GNB1L: variants seen among roughly 807,000 people sequenced by gnomAD.
GNB1L encodes the protein G protein subunit beta 1 like.
GNB1L carries 20 observed loss-of-function variants against 29.1 expected under a neutral mutation model. That is an observed-to-expected ratio of 0.69 (90% CI 0.48 to 1.00). The LOEUF (loss-of-function observed/expected upper bound fraction) is 1.00, where lower values mean the gene tolerates loss of function less well. GNB1L is among the 50% of genes least tolerant of loss of function. The pLI is 0.00. For synonymous variants in GNB1L, 193 were observed against 206.5 expected, an observed-to-expected ratio of 0.93 and a Z score of 0.56; for missense variants, 421 against 464.9, an observed-to-expected ratio of 0.91 and a Z score of 0.87.
At chr22:19,846,006 G>GGCTGCAGCCAGACTGTGAGTT (rs1376175323) in intron 2 of GNB1L, 20 of 152,364 alleles carry the variant, frequency 1.3e-4, no homozygotes, top group Admixed American at 4.6e-4. Context: ...GCTCACGGGT[G>GGCTGCAGCCAGACTGTGAGTT]GCTGCAGCCA....
In GNB1L at chr22:19,806,670, G is replaced by A. The variant is rs745765209; in HGVS notation, c.505C>T (p.Arg169Trp). 8.1e-6 allele frequency: 13 copies of A among 1,609,894 alleles called. No individual in the cohort carries two copies. The highest frequency in any genetic ancestry group is 1.7e-4 in the Middle Eastern group (1 of 6,026). The change falls in exon 6 of 8, where the codon CGG (arginine) becomes TGG (tryptophan). Residue 169 changes from arginine to tryptophan, a missense_variant. By Grantham distance (101) the Arg-to-Trp change is moderately radical. Coordinates refer to ENST00000329517, the MANE Select transcript of GNB1L (RefSeq NM_053004.3). ...ACGCGGGGCCTTACCTGCCACAGCC[G>A]CAGGCACATGGGCATGCCCAGCTTG... ...DAKLGMPMCL[R>W]LWQADCSSRP...
rs149598482 is a variant in GNB1L at position 19,803,564 on chromosome 22, C to T, written c.517-1348G>A. ...AGTTCCATGTTGGCACCTTTCAGAT[C>T]ACCTGCTGGGAAATGAGGCGTGCAG... is the stretch of plus-strand genomic sequence containing the variant. On this transcript the variant is annotated intron_variant, in intron 6 of 7. Coordinates refer to ENST00000329517, the MANE Select transcript of GNB1L (RefSeq NM_053004.3). Among the ~76,000 whole-genome samples, 49 of 152,320 alleles carry T rather than the reference C, an allele frequency of 3.2e-4. No homozygotes were observed. The South Asian group carries it at 6.0e-3, about 19-fold the overall frequency.
At chr22:19,789,018 C>T (rs1394236081) in intron 7 of GNB1L, 58 bp from the exon 8 acceptor site, 1 of 1,524,790 alleles carries the variant, frequency 6.6e-7, no homozygotes, top group East Asian at 2.3e-5. Flanking sequence ...CAGTGCTGCC[C>T]CTGGTGCCCC....
intron 2 of GNB1L, among the ~76,000 whole-genome samples, chr22:19,842,523 T>A (rs949190651): frequency 1.3e-5 from 2 of 152,018 alleles, no homozygotes; most frequent in African/African-American, 4.8e-5. Context: ...GCCTGGTGAG[T>A]AATGCCCAGG....
At chr22:19,846,500 C>G (rs1937964587) in intron 2 of GNB1L, 1 of 985,344 alleles carries the variant, frequency 1.0e-6, no homozygotes, top group Non-Finnish European at 1.2e-6. Flanking sequence ...ATGTGGAGAC[C>G]ACAGAAGCCT....
chr22:19,807,744 T>C (rs1044389637), intron 5 of GNB1L, among the ~76,000 whole-genome samples: 5 of 152,124 alleles, frequency 3.3e-5, no homozygotes, highest in Non-Finnish European at 5.9e-5. Context: ...GGTCCAGCGG[T>C]CTCTGGCCCC....
At chr22:19,792,575 G>A (rs1601318184) in intron 7 of GNB1L, 2 of 1,593,904 alleles carry the variant, frequency 1.3e-6, no homozygotes, top group Admixed American at 3.4e-5. Flanking sequence ...CAGCTACTCA[G>A]CTGCTTAAGC....
chr22:19,807,220 C>T (rs1937446961), intron 5 of GNB1L, among the ~76,000 whole-genome samples: 1 of 152,188 alleles, frequency 6.6e-6, no homozygotes, highest in South Asian at 2.1e-4. Context: ...CCTGGACGCC[C>T]CGGTGTCCCC....
intron 7 of GNB1L, among the ~76,000 whole-genome samples, chr22:19,790,318 G>A (rs1469816975): frequency 6.6e-6 from 1 of 152,120 alleles, no homozygotes; most frequent in East Asian, 1.9e-4. Flanking sequence ...AGATGGGATG[G>A]TTGTTAAGTT....
intron 2 of GNB1L, among the ~76,000 whole-genome samples, chr22:19,845,390 CCA>C (rs745358409): frequency 1.3e-4 from 20 of 152,342 alleles, no homozygotes; most frequent in Non-Finnish European, 2.4e-4. Flanking sequence ...GCTCCACAAC[CCA>C]CAAACACTCC....
chr22:19,837,706 T>C (rs894561302), intron 2 of GNB1L, among the ~76,000 whole-genome samples: 2 of 152,240 alleles, frequency 1.3e-5, no homozygotes, highest in African/African-American at 4.8e-5. Context: ...AGTCACATAC[T>C]GGAGACAACC....
chr22:19,783,398 C>T lies in GNB1L; in HGVS notation c.*5311G>A, dbSNP rs1937161124. 2 of 335,680 alleles carry T rather than the reference C, an allele frequency of 6.0e-6. No individual in the cohort carries two copies. Among genetic ancestry groups the T allele is most frequent in the Non-Finnish European group, 1.2e-5 (2 of 171,054 alleles). 20.8% of individuals were successfully genotyped at this position (335,680 alleles called of 1,614,324 possible). A position where few individuals can be genotyped will look rare whatever the true frequency, so the allele number is the denominator to read the frequency against. On this transcript the variant is annotated 3_prime_UTR_variant, in exon 8 of 8. Transcript: ENST00000329517. ...TGCTGCTGTTCCCAGGCCACCTGCA[C>T]AGCTGGATGGTGGAAGCAGTTCACT...
chr22:19,792,725 C>A, intron 7 of GNB1L: 1 of 1,507,378 alleles, frequency 6.6e-7, no homozygotes, highest in Non-Finnish European at 9.1e-7. Flanking sequence ...ACATCGTCAC[C>A]ACCTTGGTGG....
At chr22:19,794,216 C>T (rs1361518143) in intron 7 of GNB1L, among the ~76,000 whole-genome samples, 1 of 152,056 alleles carries the variant, frequency 6.6e-6, no homozygotes, top group Non-Finnish European at 1.5e-5. Context: ...CACCACTGCA[C>T]CCCAGCCTGG....
At chr22:19,805,775 C>T (rs1461960195) in intron 6 of GNB1L, among the ~76,000 whole-genome samples, 5 of 151,088 alleles carry the variant, frequency 3.3e-5, no homozygotes, top group Admixed American at 1.3e-4. Flanking sequence ...GAGCGAGACT[C>T]CATCACAAAA....
At chr22:19,808,104 C>A (rs1569042917) in intron 5 of GNB1L, among the ~76,000 whole-genome samples, 1 of 152,326 alleles carries the variant, frequency 6.6e-6, no homozygotes, top group East Asian at 1.9e-4. Context: ...AGGAGCTTAG[C>A]CTCTGACAGC....
chr22:19,807,917 C>T (rs920519344), intron 5 of GNB1L, among the ~76,000 whole-genome samples: 46 of 152,320 alleles, frequency 3.0e-4, no homozygotes, highest in African/African-American at 1.0e-3. Flanking sequence ...AGGTCACCTC[C>T]GGGCAGGGCA....
intron 2 of GNB1L, among the ~76,000 whole-genome samples, chr22:19,835,056 G>C (rs12484150): frequency 6.6e-6 from 1 of 152,158 alleles, no homozygotes; most frequent in African/African-American, 2.4e-5. Context: ...CATCGATTCA[G>C]AAAGAAGACA....
chr22:19,792,256 GT>G, intron 7 of GNB1L: 1 of 641,244 alleles, frequency 1.6e-6, no homozygotes, highest in Admixed American at 2.8e-5. Flanking sequence ...CCTTAACTAT[GT>G]TCAAAAAATG....
Sources: gnomAD v4.1 joint callset for allele counts (sites outside exome capture counted in the v4.1 genomes callset) on GRCh38, gnomAD v4.1.1 for gene constraint, MANE v1.5 for transcripts, NCBI Gene and HGNC (gene_info 2026-07-23, HGNC 2026-07-21) for gene names.